Variants in EPHB2 observed in about 807,000 individuals in gnomAD.
EPHB2 encodes EPH receptor B2, also known as ephrin type-B receptor 2.
In EPHB2, 18 loss-of-function variants were observed where a neutral mutation model predicts 96.4. That is an observed-to-expected ratio of 0.19 (90% CI 0.13 to 0.28). The LOEUF (loss-of-function observed/expected upper bound fraction) is 0.28. Ranked by LOEUF, EPHB2 falls within the 10% of genes least tolerant of loss-of-function variation. The pLI, the probability that EPHB2 is intolerant of heterozygous loss-of-function variation, is 1.00. For synonymous variants in EPHB2, 506 were observed against 534.1 expected (o/e 0.95, Z 0.72); for missense variants, 989 against 1,355.4 (o/e 0.73, Z 4.25).
rs963850993 is a variant in EPHB2 at position 22,914,049 on chromosome 1, TCAA to T, written c.*484_*486del. On this transcript the variant is annotated 3_prime_UTR_variant, in exon 16 of 16. Transcript: ENST00000374630. ...TCCCTGCTGCTCCTCTAGGCCTCACTCAACAACCAAGCGCCTGGAGGACGGGAC... is the reference window on the plus strand; with the variant it reads ...TCCCTGCTGCTCCTCTAGGCCTCACTCAACCAAGCGCCTGGAGGACGGGAC... 117 of 789,450 alleles carry T rather than the reference TCAA, an allele frequency of 1.5e-4. No homozygotes were observed. The highest frequency in any genetic ancestry group is 2.2e-4 in the Non-Finnish European group (116 of 518,766). The allele number at this position is 789,450 out of a possible 1,614,324, so 48.9% of individuals were successfully genotyped here. A position where few individuals can be genotyped will look rare whatever the true frequency, so the allele number is the denominator to read the frequency against.
intron 2 of EPHB2, among the ~76,000 whole-genome samples, chr1:22,783,801 C>T (rs549295324): frequency 9.2e-5 from 14 of 152,160 alleles, no homozygotes; most frequent in Non-Finnish European, 1.6e-4. Flanking sequence ...GGTGGGCGGC[C>T]TCCCTCCAGG....
rs960549065 is a variant in EPHB2, at chr1:22,779,010, C to T, written c.62-2411C>T. 7.2e-5 allele frequency among the ~76,000 whole-genome samples: 11 copies of T among 152,300 alleles called. No individual in the cohort carries two copies. The South Asian group carries it at 1.2e-3, about 17-fold the overall frequency. On this transcript the variant is annotated intron_variant, in intron 1 of 15. Coordinates refer to ENST00000374630, the MANE Select transcript of EPHB2 (RefSeq NM_017449.5). ...GCTTGGCAGCCTTGCCTCCCCTGCC[C>T]GACCCTCTTCTTGTCCCAAGCACAG...
In EPHB2 at chr1:22,901,810, T is replaced by TGTGTGTATGA. The variant is rs1639756990; in HGVS notation, c.1766-4171_1766-4170insATGAGTGTGT. On this transcript the variant is annotated intron_variant, in intron 9 of 15. Transcript: ENST00000374630. ...TTTTGATGTCATTTAACTTCGTGTGTGTGTGTGTGAGTGTGTGTGTGTGTG... is the reference window on the plus strand; with the variant it reads ...TTTTGATGTCATTTAACTTCGTGTGTGTGTGTATGAGTGTGTGTGAGTGTGTGTGTGTGTG... 2.7e-5 allele frequency among the ~76,000 whole-genome samples: 3 copies of TGTGTGTATGA among 112,126 alleles called. No individual in the cohort carries two copies. In the South Asian group the frequency reaches 8.8e-4, roughly 33 times the overall value. 73.6% of individuals were successfully genotyped at this position (112,126 alleles called of 152,430 possible).
At chr1:22,773,870 G>A (rs945188608) in intron 1 of EPHB2, among the ~76,000 whole-genome samples, 5 of 152,292 alleles carry the variant, frequency 3.3e-5, no homozygotes, top group East Asian at 1.9e-4. Flanking sequence ...AGGCAGACCC[G>A]GCTCCATCGC....
intron 1 of EPHB2, among the ~76,000 whole-genome samples, chr1:22,727,271 A>T (rs926055907): frequency 6.6e-6 from 1 of 152,260 alleles, no homozygotes; most frequent in Admixed American, 6.5e-5. Context: ...CAGCTACTCC[A>T]GCAGTTGGGA....
At chr1:22,775,248 G>A in intron 1 of EPHB2, 1 of 779,800 alleles carries the variant, frequency 1.3e-6, no homozygotes, top group South Asian at 1.3e-5. Flanking sequence ...TATGCAGGTT[G>A]GTTCTCCTGT....
intron 6 of EPHB2, among the ~76,000 whole-genome samples, chr1:22,883,878 A>G (rs1639132145): frequency 2.6e-5 from 4 of 152,194 alleles, no homozygotes; most frequent in Admixed American, 2.6e-4. Flanking sequence ...CCAAGGAGAC[A>G]CTTGATCAAT....
Position 22,811,371 on chromosome 1 carries a change from G to A in EPHB2, c.811+26295G>A, listed in dbSNP as rs115079984. ...AGCAAGCACCACAGAGCAAGACAGC[G>A]CCCACTCCATCAGTCCCCACCATAC... On this transcript the variant is annotated intron_variant, in intron 3 of 15. Coordinates refer to ENST00000374630, the MANE Select transcript of EPHB2 (RefSeq NM_017449.5). 9.2e-3 allele frequency among the ~76,000 whole-genome samples: 1,397 copies of A among 152,224 alleles called. 24 individuals carry two copies. The highest frequency in any genetic ancestry group is 0.031 in the African/African-American group (1,268 of 41,504).
chr1:22,903,269 C>T (rs1318628086), intron 9 of EPHB2, among the ~76,000 whole-genome samples: 1 of 152,214 alleles, frequency 6.6e-6, no homozygotes, highest in Non-Finnish European at 1.5e-5. Context: ...GTCCTCTATC[C>T]CCATCAGAAA....
At chr1:22,720,186 G>A (rs1188261579) in intron 1 of EPHB2, among the ~76,000 whole-genome samples, 1 of 152,222 alleles carries the variant, frequency 6.6e-6, no homozygotes, top group African/African-American at 2.4e-5. Context: ...TAAGGGCTGG[G>A]CTCTAATGTC....
chr1:22,778,018 G>GT (rs769109345), intron 1 of EPHB2, among the ~76,000 whole-genome samples: 1 of 152,074 alleles, frequency 6.6e-6, no homozygotes, highest in Admixed American at 6.5e-5. Flanking sequence ...TTGTTTGTTT[G>GT]TTTGTTTTGT....
At chr1:22,726,803 T>C (rs1291491093) in intron 1 of EPHB2, among the ~76,000 whole-genome samples, 2 of 152,198 alleles carry the variant, frequency 1.3e-5, no homozygotes, top group African/African-American at 4.8e-5. Context: ...TCACACTTTT[T>C]AGTACATACT....
chr1:22,767,012 G>A (rs1007542978), intron 1 of EPHB2, among the ~76,000 whole-genome samples: 2 of 152,200 alleles, frequency 1.3e-5, no homozygotes, highest in African/African-American at 4.8e-5. Context: ...CTTCTGTTTG[G>A]CTCAGGAACA....
intron 2 of EPHB2, among the ~76,000 whole-genome samples, chr1:22,782,370 C>A (rs1008843422): frequency 1.3e-5 from 2 of 152,182 alleles, no homozygotes; most frequent in Non-Finnish European, 1.5e-5. Flanking sequence ...CTCATCCCCG[C>A]CGTCTCTGGA....
chr1:22,778,780 C>G (rs756253705), intron 1 of EPHB2, among the ~76,000 whole-genome samples: 1 of 152,204 alleles, frequency 6.6e-6, no homozygotes, highest in Non-Finnish European at 1.5e-5. Flanking sequence ...GTGGGGCCCC[C>G]CACCCTAAGC....
intron 3 of EPHB2, among the ~76,000 whole-genome samples, chr1:22,794,918 C>T (rs1049947420): frequency 6.6e-6 from 1 of 152,208 alleles, no homozygotes; most frequent in Non-Finnish European, 1.5e-5. Flanking sequence ...AAGAGAGGCC[C>T]GTTGATTGAG....
intron 1 of EPHB2, among the ~76,000 whole-genome samples, chr1:22,739,258 C>G (rs1024056658): frequency 9.9e-5 from 15 of 152,066 alleles, no homozygotes; most frequent in Non-Finnish European, 2.1e-4. Context: ...CTCTGTCACC[C>G]AGGCTGGAGT....
intron 3 of EPHB2, among the ~76,000 whole-genome samples, chr1:22,815,035 G>A (rs539257669): frequency 6.6e-6 from 1 of 152,334 alleles, no homozygotes; most frequent in East Asian, 1.9e-4. Context: ...GCTGGGCAGG[G>A]CACCCATAGA....
chr1:22,863,374 C>T, intron 4 of EPHB2, 182 bp downstream of exon 4: 2 of 909,700 alleles, frequency 2.2e-6, no homozygotes, highest in Non-Finnish European at 1.7e-6. Context: ...CTTGCAGACA[C>T]CACAGTGCTG....
Sources: gnomAD v4.1 joint callset for allele counts (sites outside exome capture counted in the v4.1 genomes callset) on GRCh38, gnomAD v4.1.1 for gene constraint, MANE v1.5 for transcripts, NCBI Gene and HGNC (gene_info 2026-07-23, HGNC 2026-07-21) for gene names.